RAB39A: variants seen among roughly 807,000 people sequenced by gnomAD.
RAB39A encodes RAB39A, member RAS oncogene family, also known as ras-related protein Rab-39A.
Under a neutral mutation model 20.9 loss-of-function variants are expected in RAB39A, and 17 were observed. That is an observed-to-expected ratio of 0.81 (90% CI 0.56 to 1.22). The LOEUF (loss-of-function observed/expected upper bound fraction) is 1.22. RAB39A is among the 50% of genes most tolerant of loss of function. The pLI is 0.00. For synonymous variants in RAB39A, 99 were observed against 103.4 expected, an observed-to-expected ratio of 0.96 and a Z score of 0.26; for missense variants, 234 against 270.5, an observed-to-expected ratio of 0.87 and a Z score of 0.95.
At position 107,928,467 on chromosome 11, in the gene RAB39A, A is replaced by G. The variant is rs1861103363; in HGVS notation, c.-102A>G. ...GGCCGCAGCCGCAGGAATATGCTGG[A>G]AGGCGGCGGGCGGGCGCCCGCGAGG... On this transcript the variant is annotated 5_prime_UTR_variant, in exon 1 of 2. Transcript: ENST00000320578. This position sits in a 1 kb window ranked among gnomAD's most constrained non-coding sequence, Gnocchi z 4.9. 1 of 844,864 alleles carries G rather than the reference A, an allele frequency of 1.2e-6. No homozygotes were observed. Among genetic ancestry groups the G allele is most frequent in the Non-Finnish European group, 1.6e-6 (1 of 610,982 alleles). The allele number at this position is 844,864 out of a possible 1,614,324, so 52.3% of individuals were successfully genotyped here.
rs896951631 is a variant in RAB39A, at chr11:107,962,477, C to T, written c.*105C>T. The T allele has an allele frequency of 1.0e-5, 11 of 1,048,988 alleles. No homozygotes were observed. The highest frequency in any genetic ancestry group is 1.2e-5 in the Non-Finnish European group (9 of 736,628). 65.0% of individuals were successfully genotyped at this position (1,048,988 alleles called of 1,614,324 possible). On this transcript the variant is annotated 3_prime_UTR_variant, in exon 2 of 2. Transcript: ENST00000320578. ...GCAATGAAAGAATTTAAAAAGGTTA[C>T]AAACCCACACCAATACTATTTTATA...
intron 1 of RAB39A, among the ~76,000 whole-genome samples, chr11:107,934,908 G>C (rs1250508385): frequency 1.1e-4 from 15 of 140,512 alleles, no homozygotes; most frequent in South Asian, 4.7e-4. Flanking sequence ...CAGCCTGGGG[G>C]ACAAGAGCGA....
intron 1 of RAB39A, among the ~76,000 whole-genome samples, chr11:107,942,059 A>G (rs1171849573): frequency 7.6e-6 from 1 of 131,094 alleles, no homozygotes; most frequent in East Asian, 2.5e-4. Context: ...AGATCGTACC[A>G]CTGCTCTGCA....
chr11:107,933,325 G>A (rs1273444288), intron 1 of RAB39A, among the ~76,000 whole-genome samples: 18 of 68,812 alleles, frequency 2.6e-4, no homozygotes, highest in Admixed American at 4.2e-4. Context: ...GTGTGTGTGT[G>A]TGTGTGTGTG....
At chr11:107,953,778 T>C (rs926405179) in intron 1 of RAB39A, among the ~76,000 whole-genome samples, 5 of 152,190 alleles carry the variant, frequency 3.3e-5, no homozygotes, top group Non-Finnish European at 7.4e-5. Context: ...TACCACCTAC[T>C]ATCTTGCTCA....
intron 1 of RAB39A, among the ~76,000 whole-genome samples, chr11:107,932,417 T>C (rs61906947): frequency 0.26 from 39,008 of 152,158 alleles, 5,136 homozygotes; most frequent in Middle Eastern, 0.34. Flanking sequence ...GTTTCCTTCT[T>C]CCTTAATTTT....
intron 1 of RAB39A, among the ~76,000 whole-genome samples, chr11:107,933,762 G>A (rs1323670806): frequency 1.3e-5 from 2 of 151,016 alleles, no homozygotes; most frequent in Non-Finnish European, 2.9e-5. Context: ...CCAGGTCCAA[G>A]CGATTCTCCT....
chr11:107,942,174 G>A (rs868104136), intron 1 of RAB39A, among the ~76,000 whole-genome samples: 1 of 150,108 alleles, frequency 6.7e-6, no homozygotes, highest in African/African-American at 2.5e-5. Context: ...AATCAAAAAT[G>A]GAATAGAAAG....
intron 1 of RAB39A, among the ~76,000 whole-genome samples, chr11:107,949,412 A>G (rs1314662202): frequency 1.3e-5 from 2 of 152,226 alleles, no homozygotes; most frequent in Non-Finnish European, 2.9e-5. Context: ...GATTCACATC[A>G]GTTACAAATT....
chr11:107,928,716 T>C lies in RAB39A; in HGVS notation c.148T>C (p.Phe50Leu). Residue 50 changes from phenylalanine (F) to leucine (L), a missense_variant, in exon 1 of 2, where the codon TTC (phenylalanine) becomes CTC (leucine). Phe to Leu is a conservative substitution (Grantham distance 22). Transcript: ENST00000320578. This position sits in a 1 kb window ranked among gnomAD's most constrained non-coding sequence, Gnocchi z 4.9. Reference protein sequence around the residue: ...ACDPTVGVDFFSRLLEIEPGK... With the variant: ...ACDPTVGVDFLSRLLEIEPGK... ...CGACCCCACCGTCGGCGTGGACTTC[T>C]TCTCCCGCCTGCTGGAGATCGAGCC... The C allele has an allele frequency of 6.2e-7, 1 of 1,610,690 alleles. No homozygotes were observed. Among genetic ancestry groups the C allele is most frequent in the Non-Finnish European group, 8.5e-7 (1 of 1,178,352 alleles).
chr11:107,942,119 AAAGACT>A (rs1418920239), intron 1 of RAB39A, among the ~76,000 whole-genome samples: 3 of 150,764 alleles, frequency 2.0e-5, no homozygotes, highest in African/African-American at 7.3e-5. Context: ...AAAAAAAAAA[AAAGACT>A]GACATTTGAT....
chr11:107,928,700 C>A lies in RAB39A; in HGVS notation c.132C>A (p.Thr44=), dbSNP rs77818165. The part of the protein sequence containing the change: ...PGLRSPACDP[T]VGVDFFSRLL... ...TGCGCTCCCCCGCCTGCGACCCCAC[C>A]GTCGGCGTGGACTTCTTCTCCCGCC... The change falls in exon 1 of 2, where the codon ACC becomes ACA. Residue 44 remains threonine, a synonymous_variant. Transcript: ENST00000320578. The surrounding 1 kb of genome is among the most constrained non-coding windows in gnomAD (Gnocchi z 4.9). 0.047 allele frequency: 75,043 copies of A among 1,611,394 alleles called. 1,934 individuals carry two copies. Among genetic ancestry groups the A allele is most frequent in the Middle Eastern group, 0.083 (501 of 6,046 alleles).
intron 1 of RAB39A, among the ~76,000 whole-genome samples, chr11:107,955,526 G>A (rs1861425568): frequency 6.6e-6 from 1 of 152,158 alleles, no homozygotes; most frequent in Admixed American, 6.5e-5. Context: ...TAATGGATCA[G>A]AGAAGCACAT....
intron 1 of RAB39A, among the ~76,000 whole-genome samples, chr11:107,943,549 T>C (rs570404696): frequency 5.6e-5 from 8 of 143,528 alleles, no homozygotes; most frequent in Middle Eastern, 3.7e-3. Context: ...CCAGCCTGGG[T>C]GACAGAGTGA....
chr11:107,950,784 CA>C (rs1268926385), intron 1 of RAB39A, among the ~76,000 whole-genome samples: 1 of 135,810 alleles, frequency 7.4e-6, no homozygotes, highest in East Asian at 2.2e-4. Flanking sequence ...AAAAAAAAGA[CA>C]AAATCCTTGC....
chr11:107,944,676 C>T (rs985473190), intron 1 of RAB39A, among the ~76,000 whole-genome samples: 10 of 151,900 alleles, frequency 6.6e-5, no homozygotes, highest in East Asian at 1.9e-4. Context: ...TGAGCCACCG[C>T]GCCAGGCCAG....
intron 1 of RAB39A, among the ~76,000 whole-genome samples, chr11:107,933,313 A>G (rs7107974): frequency 1.9e-4 from 24 of 125,362 alleles, no homozygotes; most frequent in African/African-American, 6.8e-4. Flanking sequence ...ATATATATAT[A>G]TGTGTGTGTG....
In RAB39A at chr11:107,940,181, C is replaced by A. The variant is rs189301494; in HGVS notation, c.227+11386C>A. Among the ~76,000 whole-genome samples, 11 of 152,132 alleles carry A rather than the reference C, an allele frequency of 7.2e-5. No individual in the cohort carries two copies. The East Asian group carries it at 1.9e-3, about 27-fold the overall frequency. Reference sequence around the variant, plus strand: ...AAGCAGTGGCAAAGAAAGGTAAGCCCCTTAAGTGATACTGAGGTACACACA... The same window carrying A: ...AAGCAGTGGCAAAGAAAGGTAAGCCACTTAAGTGATACTGAGGTACACACA... On this transcript the variant is annotated intron_variant, in intron 1 of 1. Coordinates refer to ENST00000320578, the MANE Select transcript of RAB39A (RefSeq NM_017516.3).
intron 1 of RAB39A, among the ~76,000 whole-genome samples, chr11:107,952,158 A>G (rs959113668): frequency 2.6e-5 from 4 of 152,242 alleles, no homozygotes; most frequent in African/African-American, 9.6e-5. Flanking sequence ...GCAAATATGT[A>G]TAAGAATGAA....
Sources: gnomAD v4.1 joint callset for allele counts (sites outside exome capture counted in the v4.1 genomes callset) on GRCh38, gnomAD v4.1.1 for gene constraint, Gnocchi (gnomAD v3.1) non-coding constraint, MANE v1.5 for transcripts, NCBI Gene and HGNC (gene_info 2026-07-23, HGNC 2026-07-21) for gene names.